The following RBSN variants were observed in gnomAD, a reference collection of about 807,000 sequenced individuals.
RBSN encodes rabenosyn, RAB effector.
A neutral mutation model predicts 60.5 loss-of-function variants in RBSN; 34 were observed. The observed-to-expected ratio is 0.56, with a 90% confidence interval of 0.43 to 0.75. The LOEUF (loss-of-function observed/expected upper bound fraction) is 0.75. Among genes scored for constraint, RBSN ranks in the 30% least tolerant of loss-of-function variants. The pLI, the probability that RBSN is intolerant of heterozygous loss-of-function variation, is 0.00. For synonymous variants in RBSN, 322 were observed against 366.9 expected (o/e 0.88, Z 1.40); for missense variants, 845 against 986.8 (o/e 0.86, Z 1.92).
chr3:15,080,309 C>T (rs2043171687), intron 10 of RBSN, among the ~76,000 whole-genome samples: 1 of 152,090 alleles, frequency 6.6e-6, no homozygotes, highest in African/African-American at 2.4e-5. Flanking sequence ...TCTGCCAGCC[C>T]CTGCTCTAAT....
At chr3:15,097,348 C>G (rs1245070285) in intron 2 of RBSN, among the ~76,000 whole-genome samples, 1 of 152,018 alleles carries the variant, frequency 6.6e-6, no homozygotes, top group Non-Finnish European at 1.5e-5. Context: ...AACCCTATCT[C>G]TACTAAAAAT....
rs1263471029 is a variant in RBSN, at chr3:15,082,248, C to T, written c.840+119G>A. 5.1e-6 allele frequency: 7 copies of T among 1,367,558 alleles called. No homozygotes were observed. The East Asian group carries it at 9.3e-5, about 18-fold the overall frequency. The allele number at this position is 1,367,558 out of a possible 1,614,324, so 84.7% of individuals were successfully genotyped here. ...TCATAACATGGGCCTTTAACAGGAA[C>T]TACAAATAATTCAAACGAACAACTT... is the stretch of plus-strand genomic sequence containing the variant. On this transcript the variant is annotated intron_variant, in intron 9 of 13. Coordinates refer to ENST00000253699, the MANE Select transcript of RBSN (RefSeq NM_022340.4). The surrounding 1 kb of genome is among the most constrained non-coding windows in gnomAD (Gnocchi z 4.2).
chr3:15,095,605 T>C (rs940566868), intron 4 of RBSN: 5 of 399,786 alleles, frequency 1.3e-5, no homozygotes, highest in Admixed American at 4.2e-5. Context: ...TCCATCATCA[T>C]AGCAAAGGAA....
rs906868164 is a variant in RBSN, at chr3:15,096,575, C to T, written c.-209G>A. 2.0e-5 allele frequency: 3 copies of T among 153,364 alleles called. No homozygotes were observed. The highest frequency in any genetic ancestry group is 7.2e-5 in the African/African-American group (3 of 41,494). The allele number at this position is 153,364 out of a possible 1,614,324, so 9.5% of individuals were successfully genotyped here. A position where few individuals can be genotyped will look rare whatever the true frequency, so the allele number is the denominator to read the frequency against. On this transcript the variant is annotated 5_prime_UTR_variant, in exon 3 of 14. An upstream start codon of the reference 5' UTR is lost. Coordinates refer to ENST00000253699, the MANE Select transcript of RBSN (RefSeq NM_022340.4). ...ACATTCATTCCAAATGATCCAACTT[C>T]ATAATTCATATGCCACTTCAGCCAC...
At chr3:15,075,563 A>G in intron 13 of RBSN, 43 bp downstream of exon 13, 1 of 1,550,392 alleles carries the variant, frequency 6.4e-7, no homozygotes, top group Non-Finnish European at 8.9e-7. Context: ...TGTGCTTGAG[A>G]GCCACAGGAG....
Position 15,074,371 on chromosome 3 carries a change from G to A in RBSN, c.1766C>T (p.Pro589Leu), listed in dbSNP as rs1421588457. Reference protein sequence around the residue: ...PVPSSTAPKTPSLSSTQPTRV... With the variant: ...PVPSSTAPKTLSLSSTQPTRV... ...GGTGGGTTGAGTTGAGCTAAGTGAA[G>A]GGGTCTTGGGAGCTGTGCTGCTTGG... Residue 589 changes from proline to leucine, a missense_variant, in exon 14 of 14, where the codon CCT (proline) becomes CTT (leucine). By Grantham distance (98) the Pro-to-Leu change is moderately conservative (BLOSUM62 -3). Transcript: ENST00000253699. This position sits in a 1 kb window ranked among gnomAD's most constrained non-coding sequence, Gnocchi z 6.4. The A allele has an allele frequency of 3.1e-6, 5 of 1,614,168 alleles. No individual in the cohort carries two copies. The Admixed American group carries it at 5.0e-5, about 16-fold the overall frequency.
At chr3:15,081,770 C>T (rs1167854082) in intron 9 of RBSN, among the ~76,000 whole-genome samples, 1 of 152,240 alleles carries the variant, frequency 6.6e-6, no homozygotes, top group African/African-American at 2.4e-5. Context: ...TCTTCCTCAG[C>T]TCACAGGTCT....
intron 4 of RBSN, among the ~76,000 whole-genome samples, chr3:15,090,934 T>C (rs2043495813): frequency 6.6e-6 from 1 of 151,998 alleles, no homozygotes; most frequent in African/African-American, 2.4e-5. Flanking sequence ...TGAAAACTTT[T>C]TGAATTGGGC....
In RBSN at chr3:15,085,052, G is replaced by A. The variant is rs781424857; in HGVS notation, c.391-7C>T. The A allele has an allele frequency of 2.7e-5, 43 of 1,613,998 alleles. No homozygotes were observed. Among genetic ancestry groups the A allele is most frequent in the South Asian group, 1.4e-4 (13 of 91,078 alleles). On this transcript the variant is annotated splice_region_variant and splice_polypyrimidine_tract_variant and intron_variant, in intron 6 of 13. Coordinates refer to ENST00000253699, the MANE Select transcript of RBSN (RefSeq NM_022340.4). ...TTCTGTCAAATGCAGTGAGCTGACC[G>A]GAAGAAAATAGTGCCAAATGAAATT...
At chr3:15,087,855 A>G (rs1265434515) in intron 5 of RBSN, among the ~76,000 whole-genome samples, 7 of 152,160 alleles carry the variant, frequency 4.6e-5, no homozygotes, top group East Asian at 1.9e-4. Flanking sequence ...TCCTGGCCTC[A>G]TGTGATCTAC....
At chr3:15,094,677 AG>A (rs1436414623) in intron 4 of RBSN, among the ~76,000 whole-genome samples, 1 of 152,200 alleles carries the variant, frequency 6.6e-6, no homozygotes, top group Non-Finnish European at 1.5e-5. Context: ...CATCCACCAA[AG>A]CCCTCAGGAT....
At position 15,079,256 on chromosome 3, in the gene RBSN, C is replaced by T. The variant is rs142551407; in HGVS notation, c.912-1095G>A. Among the ~76,000 whole-genome samples, 900 of 152,210 alleles carry T rather than the reference C, an allele frequency of 5.9e-3. 4 individuals carry two copies. Among genetic ancestry groups the T allele is most frequent in the Middle Eastern group, 0.017 (5 of 292 alleles). ...GGCTGTGTTCCAATAAAACTTTATG[C>T]AAACAGGTGGCAATAACTAGTGTTG... is the stretch of plus-strand genomic sequence containing the variant. On this transcript the variant is annotated intron_variant, in intron 10 of 13. Coordinates refer to ENST00000253699, the MANE Select transcript of RBSN (RefSeq NM_022340.4).
chr3:15,077,991 A>G lies in RBSN; in HGVS notation c.998+84T>C, dbSNP rs150193422. On this transcript the variant is annotated intron_variant, in intron 11 of 13. Coordinates refer to ENST00000253699, the MANE Select transcript of RBSN (RefSeq NM_022340.4). This position sits in a 1 kb window ranked among gnomAD's most constrained non-coding sequence, Gnocchi z 4.4. Reference sequence around the variant, plus strand: ...TGCCCCATCACCAGAAGTCTGAGTGAGTGCAGGTCTGCTTTCGCCATTTCA... The same window carrying G: ...TGCCCCATCACCAGAAGTCTGAGTGGGTGCAGGTCTGCTTTCGCCATTTCA... 4.4e-4 allele frequency: 524 copies of G among 1,189,396 alleles called. 3 individuals carry two copies. The East Asian group carries it at 6.5e-3, about 15-fold the overall frequency. The allele number at this position is 1,189,396 out of a possible 1,614,324, so 73.7% of individuals were successfully genotyped here.
In RBSN at chr3:15,084,807, G is replaced by A. The variant is rs200708013; in HGVS notation, c.526C>T (p.Arg176Cys). Reference sequence around the variant, plus strand: ...GACCCGCAGAGGCGGCAGTGGTGGCGGCGGTTCCGGATGCTGAACTTATTC... The same window carrying A: ...GACCCGCAGAGGCGGCAGTGGTGGCAGCGGTTCCGGATGCTGAACTTATTC... ...CGNKFSIRNRRHHCRLCGSIM... is the reference protein window; with the variant it reads ...CGNKFSIRNRCHHCRLCGSIM... Residue 176 changes from arginine to cysteine, a missense_variant, in exon 8 of 14, where the codon CGC becomes TGC. Coordinates refer to ENST00000253699, the MANE Select transcript of RBSN (RefSeq NM_022340.4). The surrounding 1 kb of genome is among the most constrained non-coding windows in gnomAD (Gnocchi z 4.2). 9.3e-6 allele frequency: 15 copies of A among 1,614,192 alleles called. No individual in the cohort carries two copies. Among genetic ancestry groups the A allele is most frequent in the Admixed American group, 1.7e-5 (1 of 60,018 alleles).
chr3:15,078,297 T>C (rs2306855), intron 10 of RBSN, 136 bp from the exon 11 acceptor site: 37,371 of 670,774 alleles, frequency 0.056, 1,292 homozygotes, highest in East Asian at 0.096. Flanking sequence ...CTTTCAGATA[T>C]AATGCAGTGT....
At chr3:15,079,062 T>C (rs1472824800) in intron 10 of RBSN, among the ~76,000 whole-genome samples, 2 of 152,012 alleles carry the variant, frequency 1.3e-5, no homozygotes, top group Non-Finnish European at 2.9e-5. Context: ...TTACAAACAC[T>C]AAGCTTCAGA....
rs987340802 is a variant in RBSN, at chr3:15,073,670, T to A, written c.*112A>T. On this transcript the variant is annotated 3_prime_UTR_variant, in exon 14 of 14. Coordinates refer to ENST00000253699, the MANE Select transcript of RBSN (RefSeq NM_022340.4). ...AGCAGATTCCTGCCCCTCACCTGTG[T>A]GCATCTGAGTTCTCACCCTGCCACC... The A allele has an allele frequency of 1.1e-5, 13 of 1,150,228 alleles. No homozygotes were observed. Among genetic ancestry groups the A allele is most frequent in the Non-Finnish European group, 1.6e-5 (13 of 817,956 alleles). 71.3% of individuals were successfully genotyped at this position (1,150,228 alleles called of 1,614,324 possible). A position where few individuals can be genotyped will look rare whatever the true frequency, so the allele number is the denominator to read the frequency against.
intron 9 of RBSN, chr3:15,081,006 T>G: frequency 1.8e-6 from 1 of 550,430 alleles, no homozygotes; most frequent in Admixed American, 3.2e-5. Context: ...GAGCTTCTGA[T>G]CAGATGTTTC....
Position 15,096,150 on chromosome 3 carries a change from A to G in RBSN, c.-30T>C. The stretch of plus-strand genomic sequence containing the variant: ...GTGCCGCTCTCAACCCTAGGAAGGC[A>G]GGAATCTCATGCCAAGAGTCAGCTT... On this transcript the variant is annotated 5_prime_UTR_variant, in exon 4 of 14. Transcript: ENST00000253699. 3 of 1,530,264 alleles carry G rather than the reference A, an allele frequency of 2.0e-6. No individual in the cohort carries two copies. The highest frequency in any genetic ancestry group is 2.6e-6 in the Non-Finnish European group (3 of 1,142,560). 94.8% of individuals were successfully genotyped at this position (1,530,264 alleles called of 1,614,324 possible).
Sources: gnomAD v4.1 joint callset for allele counts (sites outside exome capture counted in the v4.1 genomes callset) on GRCh38, gnomAD v4.1.1 for gene constraint, Gnocchi (gnomAD v3.1) non-coding constraint, MANE v1.5 for transcripts, NCBI Gene and HGNC (gene_info 2026-07-23, HGNC 2026-07-21) for gene names.